RHEB: variants seen among roughly 807,000 people sequenced by gnomAD.
RHEB encodes the protein GTP-binding protein Rheb.
RHEB carries 2 observed loss-of-function variants against 28.8 expected under a neutral mutation model. The ratio of observed to expected loss-of-function variants is 0.07; its 90% CI spans 0.03 to 0.22. The LOEUF is 0.22. Ranked by LOEUF, RHEB falls within the 10% of genes least tolerant of loss-of-function variation. RHEB has a pLI of 1.00. For missense variants in RHEB, 76 were observed against 219.9 expected, an observed-to-expected ratio of 0.35 and a Z score of 4.14; for synonymous variants, 69 against 77.3, an observed-to-expected ratio of 0.89 and a Z score of 0.56.
At chr7:151,501,819 G>A (rs1360572161) in intron 1 of RHEB, 4 of 418,554 alleles carry the variant, frequency 9.6e-6, no homozygotes, top group East Asian at 5.7e-5. Flanking sequence ...AGAAAGAGCC[G>A]GTGTCCTACC....
At chr7:151,476,845 C>T (rs894052957) in intron 4 of RHEB, among the ~76,000 whole-genome samples, 1 of 152,124 alleles carries the variant, frequency 6.6e-6, no homozygotes, top group African/African-American at 2.4e-5. Context: ...ACATGAAATA[C>T]GTAGCTAGAG....
At chr7:151,478,973 A>G (rs1802324737) in intron 3 of RHEB, among the ~76,000 whole-genome samples, 1 of 151,904 alleles carries the variant, frequency 6.6e-6, no homozygotes, top group Non-Finnish European at 1.5e-5. Context: ...TCTGTCACCC[A>G]GCCTGGAGTG....
chr7:151,467,385 A>T (rs1584843615), intron 7 of RHEB, among the ~76,000 whole-genome samples, 174 bp from the exon 8 acceptor site: 1 of 151,766 alleles, frequency 6.6e-6, no homozygotes, highest in African/African-American at 2.4e-5. Context: ...GCCACTGTCC[A>T]CCCCTCCTGA....
Position 151,477,340 on chromosome 7 carries a change from T to C in RHEB, c.268A>G (p.Ile90Val), listed in dbSNP as rs1401324113. 6 of 1,559,900 alleles carry C rather than the reference T, an allele frequency of 3.8e-6. No homozygotes were observed. Among genetic ancestry groups the C allele is most frequent in the African/African-American group, 2.7e-5 (2 of 73,604 alleles). ...AGGCAGCAGGAGTCTTACCTTTTGA[T>C]TGATGTAACAGAATACACAAGAATA... ...GYILVYSVTS[I>V]KSFEVIKVIH... Residue 90 changes from isoleucine (I) to valine (V), a missense_variant, in exon 4 of 8, where the codon ATC becomes GTC. By Grantham distance (29) the Ile-to-Val change is conservative. Transcript: ENST00000262187.
chr7:151,502,432 A>T (rs1218785017), intron 1 of RHEB: 1 of 815,822 alleles, frequency 1.2e-6, no homozygotes. Flanking sequence ...AAAGGCTCAA[A>T]CTTTATAACA....
In RHEB at chr7:151,471,422, C is replaced by A; in HGVS notation, c.352G>T (p.Gly118Trp). 6.3e-7 allele frequency: 1 copy of A among 1,583,760 alleles called. No individual in the cohort carries two copies. Among genetic ancestry groups the A allele is most frequent in the Admixed American group, 1.7e-5 (1 of 59,560 alleles). ...TCCATATGCAGGTCTTTCTTATTCC[C>A]AACCAACATAATAGGTATTCTATTT... ...GKVQIPIMLV[G>W]NKKDLHMERV... The change falls in exon 6 of 8, where the codon GGG becomes TGG. Residue 118 changes from glycine (G) to tryptophan (W), a missense_variant. Coordinates refer to ENST00000262187, the MANE Select transcript of RHEB (RefSeq NM_005614.4).
At chr7:151,487,693 C>A (rs73478503) in intron 2 of RHEB, among the ~76,000 whole-genome samples, 3,985 of 152,168 alleles carry the variant, frequency 0.026, 163 homozygotes, top group African/African-American at 0.09. Context: ...AGGATAGACT[C>A]GGAAATAATT....
chr7:151,484,950 C>G (rs1281425644), intron 2 of RHEB, 146 bp from the exon 3 acceptor site: 1 of 598,760 alleles, frequency 1.7e-6, no homozygotes, highest in East Asian at 2.8e-5. Flanking sequence ...AACTCTCTGA[C>G]TTGTATAGAT....
At chr7:151,470,518 T>A (rs73154850) in intron 7 of RHEB, 53 bp downstream of exon 7, 28,617 of 1,246,146 alleles carry the variant, frequency 0.023, 400 homozygotes, top group Middle Eastern at 0.046. Context: ...AAGGAACACA[T>A]CCCTGCGACT....
Position 151,468,322 on chromosome 7 carries a change from T to C in RHEB, c.463-1111A>G, listed in dbSNP as rs1358058271. On this transcript the variant is annotated intron_variant, in intron 7 of 7. Transcript: ENST00000262187. The surrounding 1 kb of genome is among the most constrained non-coding windows in gnomAD (Gnocchi z 4.3). ...CCACTTCTTGCTGCTCCTTTCCCTC[T>C]CGGTCAGCTCAGACTCAGCAGGCCA... 6.6e-6 allele frequency among the ~76,000 whole-genome samples: 1 copy of C among 152,238 alleles called. No individual in the cohort carries two copies. The highest frequency in any genetic ancestry group is 1.5e-5 in the Non-Finnish European group (1 of 68,030).
In RHEB at chr7:151,519,418, C is replaced by A. The variant is rs1003963383; in HGVS notation, c.52+42G>T. On this transcript the variant is annotated intron_variant, in intron 1 of 7. Transcript: ENST00000262187. ...GCCGCGACCCGGCTCCCAGGCGAGG[C>A]CCCGGCGGCGCGAGGAGGCCGCGCG... is the stretch of plus-strand genomic sequence containing the variant. 4 of 1,356,526 alleles carry A rather than the reference C, an allele frequency of 2.9e-6. No homozygotes were observed. The African/African-American group carries it at 4.5e-5, about 15-fold the overall frequency. The allele number at this position is 1,356,526 out of a possible 1,614,324, so 84.0% of individuals were successfully genotyped here.
At chr7:151,471,787 A>G (rs540943627) in intron 4 of RHEB, 182 bp from the exon 5 acceptor site, 6 of 542,234 alleles carry the variant, frequency 1.1e-5, no homozygotes, top group Non-Finnish European at 1.6e-5. Context: ...TACATCTGAC[A>G]CTCAGCAACC....
At chr7:151,495,105 A>G (rs749126204) in intron 1 of RHEB, among the ~76,000 whole-genome samples, 1 of 152,188 alleles carries the variant, frequency 6.6e-6, no homozygotes, top group Non-Finnish European at 1.5e-5. Context: ...TTTTCTCTCA[A>G]TAACTTCATA....
intron 7 of RHEB, among the ~76,000 whole-genome samples, chr7:151,467,989 A>T (rs1802096184): frequency 6.6e-6 from 1 of 152,030 alleles, no homozygotes; most frequent in South Asian, 2.1e-4. Context: ...CTTATGCACC[A>T]GGACAACAGG....
intron 7 of RHEB, among the ~76,000 whole-genome samples, chr7:151,469,606 C>T (rs1802124011): frequency 6.6e-6 from 1 of 152,188 alleles, no homozygotes; most frequent in Non-Finnish European, 1.5e-5. Context: ...AACACCACCA[C>T]ATGTTGAAAA....
At chr7:151,470,203 G>A (rs1330285013) in intron 7 of RHEB, 1 of 154,856 alleles carries the variant, frequency 6.5e-6, no homozygotes, top group Admixed American at 6.5e-5. Flanking sequence ...AAAGCCAGGG[G>A]GTGGGTAGTT....
intron 4 of RHEB, among the ~76,000 whole-genome samples, chr7:151,476,105 T>A (rs1211916515): frequency 1.3e-5 from 2 of 152,216 alleles, no homozygotes; most frequent in East Asian, 1.9e-4. Flanking sequence ...ATTGACAGTA[T>A]GGGGTCTGTT....
intron 7 of RHEB, among the ~76,000 whole-genome samples, chr7:151,467,662 C>T (rs146659387): frequency 5.7e-4 from 87 of 152,288 alleles, no homozygotes; most frequent in Non-Finnish European, 1.1e-3. Flanking sequence ...AGGCACCCTC[C>T]GTGCTCCTGA....
At chr7:151,476,755 TG>T (rs1802279164) in intron 4 of RHEB, among the ~76,000 whole-genome samples, 1 of 152,234 alleles carries the variant, frequency 6.6e-6, no homozygotes, top group Non-Finnish European at 1.5e-5. Flanking sequence ...GCTCCGCTGC[TG>T]TATACAGCCA....
Sources: gnomAD v4.1 joint callset for allele counts (sites outside exome capture counted in the v4.1 genomes callset) on GRCh38, gnomAD v4.1.1 for gene constraint, Gnocchi (gnomAD v3.1) non-coding constraint, MANE v1.5 for transcripts, NCBI Gene and HGNC (gene_info 2026-07-23, HGNC 2026-07-21) for gene names.